The following AMER1 variants were observed in gnomAD, a reference collection of about 807,000 sequenced individuals.
The protein encoded by AMER1 is RP11-403E24.2.
Under a neutral mutation model 53.0 loss-of-function variants are expected in AMER1, and 16 were observed. That is an observed-to-expected ratio of 0.30 (90% CI 0.20 to 0.46). AMER1 has a LOEUF of 0.46. Among genes scored for constraint, AMER1 ranks in the 20% least tolerant of loss-of-function variants. The probability of loss-of-function intolerance (pLI) is 1.00; values close to 1 mark genes in which losing one functional copy is unlikely to be tolerated. For synonymous variants in AMER1, 354 were observed against 331.9 expected, an observed-to-expected ratio of 1.07 and a Z score of -0.73; for missense variants, 947 against 884.9, an observed-to-expected ratio of 1.07 and a Z score of -0.89.
At chrX:64,193,825 A>G (rs1276600689) in intron 1 of AMER1, among the ~76,000 whole-genome samples, 1 of 112,409 alleles carries the variant, frequency 8.9e-6, no homozygotes, top group Non-Finnish European at 1.9e-5. Context: ...CTGGCAAAAC[A>G]GTCCATTGAG....
chrX:64,186,600 A>G lies in AMER1; in HGVS notation c.*3279T>C. 1 of 775,427 alleles carries G rather than the reference A, an allele frequency of 1.3e-6. No individual in the cohort carries two copies. The highest frequency in any genetic ancestry group is 1.5e-6 in the Non-Finnish European group (1 of 651,862). 63.9% of individuals were successfully genotyped at this position (775,427 alleles called of 1,213,427 possible). A position where few individuals can be genotyped will look rare whatever the true frequency, so the allele number is the denominator to read the frequency against. ...AGGAAAGCTGCTGGCAGCAGGATGAAGGGTACACACCCAGCCTCCTGAGTG... is the reference window on the plus strand; with the variant it reads ...AGGAAAGCTGCTGGCAGCAGGATGAGGGGTACACACCCAGCCTCCTGAGTG... On this transcript the variant is annotated 3_prime_UTR_variant, in exon 2 of 2. Coordinates refer to ENST00000374869, the MANE Select transcript of AMER1 (RefSeq NM_152424.4).
At chrX:64,198,109 A>G (rs1930413666) in intron 1 of AMER1, among the ~76,000 whole-genome samples, 1 of 111,645 alleles carries the variant, frequency 9.0e-6, no homozygotes, top group African/African-American at 3.3e-5. Flanking sequence ...AATGAAGATA[A>G]CTGTGTGGTC....
rs1190709308 is a variant in AMER1, at chrX:64,193,153, G to A, written c.134C>T (p.Ser45Phe). ...EATEGPTSEP[S>F]SSGPGRLKKT... Reference sequence around the variant, plus strand: ...CTTCAGCCTACCTGGGCCGGATGAGGATGGCTCTGAGGTTGGTCCTTCTGT... The same window carrying A: ...CTTCAGCCTACCTGGGCCGGATGAGAATGGCTCTGAGGTTGGTCCTTCTGT... The change falls in exon 2 of 2, where the codon TCC (serine) becomes TTC (phenylalanine). Residue 45 changes from serine (S) to phenylalanine (F), a missense_variant. Transcript: ENST00000374869. 1.7e-6 allele frequency: 2 copies of A among 1,212,020 alleles called. No homozygotes were observed. Among genetic ancestry groups the A allele is most frequent in the South Asian group, 1.8e-5 (1 of 56,951 alleles).
chrX:64,195,431 C>G lies in AMER1; in HGVS notation c.-98-2047G>C, dbSNP rs1350139927. On this transcript the variant is annotated intron_variant, in intron 1 of 1. Coordinates refer to ENST00000374869, the MANE Select transcript of AMER1 (RefSeq NM_152424.4). ...AAGGGAGAACTCCCAGCCTTTGCTTCTAAGGAGCTCCTAGGCTAACAGGGA... is the reference window on the plus strand; with the variant it reads ...AAGGGAGAACTCCCAGCCTTTGCTTGTAAGGAGCTCCTAGGCTAACAGGGA... 2.7e-5 allele frequency among the ~76,000 whole-genome samples: 3 copies of G among 112,122 alleles called. No homozygotes were observed. In the Admixed American group the frequency reaches 2.8e-4, roughly 11 times the overall value.
In AMER1 at chrX:64,190,593, A is replaced by T; in HGVS notation, c.2694T>A (p.Thr898=). 2 of 1,211,946 alleles carry T rather than the reference A, an allele frequency of 1.7e-6. No homozygotes were observed. Among genetic ancestry groups the T allele is most frequent in the Non-Finnish European group, 2.2e-6 (2 of 895,521 alleles). ...ALNRRSRSLD[T]AETLEMELSN... is the part of the protein sequence containing the mutation. ...AGAGCTCCATCTCCAGGGTCTCTGC[A>T]GTGTCGAGAGAGCGGCTTCTCCTGT... Residue 898 remains threonine, a synonymous_variant, in exon 2 of 2, where the codon ACT becomes ACA. Coordinates refer to ENST00000374869, the MANE Select transcript of AMER1 (RefSeq NM_152424.4).
rs1332742060 is a variant in AMER1 at position 64,191,515 on chromosome X, C to G, written c.1772G>C (p.Arg591Thr). The part of the protein sequence containing the change: ...QEARAREAHA[R>T]EAHAREAYTR... ...ATAGGCCTCCCTGGCGTGGGCCTCC[C>G]TGGCATGAGCTTCTCGGGCACGTGC... Residue 591 changes from arginine (R) to threonine (T), a missense_variant, in exon 2 of 2, where the codon AGG becomes ACG. Coordinates refer to ENST00000374869, the MANE Select transcript of AMER1 (RefSeq NM_152424.4). The G allele has an allele frequency of 4.9e-6, 6 of 1,212,297 alleles. No individual in the cohort carries two copies. The highest frequency in any genetic ancestry group is 6.7e-6 in the Non-Finnish European group (6 of 895,634).
intron 1 of AMER1, among the ~76,000 whole-genome samples, chrX:64,197,791 C>G (rs928619966): frequency 8.9e-6 from 1 of 112,410 alleles, no homozygotes; most frequent in Non-Finnish European, 1.9e-5. Flanking sequence ...GGAAATCCAG[C>G]AAGTTTTTTC....
In AMER1 at chrX:64,191,610, T is replaced by C. The variant is rs2147087695; in HGVS notation, c.1677A>G (p.Glu559=). 1 of 1,212,341 alleles carries C rather than the reference T, an allele frequency of 8.2e-7. No homozygotes were observed. The highest frequency in any genetic ancestry group is 3.0e-5 in the East Asian group (1 of 33,839). ...ACTGTTTCTGGATGGTCACTAGCCG[T>C]TCTTCCTCTGTCTCCATTGCCCCAG... ...RPPGAMETEE[E]RLVTIQKQLL... is the part of the protein sequence containing the mutation. The change falls in exon 2 of 2, where the codon GAA becomes GAG. Residue 559 remains glutamate, a synonymous_variant. Coordinates refer to ENST00000374869, the MANE Select transcript of AMER1 (RefSeq NM_152424.4).
Position 64,187,558 on chromosome X carries a change from A to T in AMER1, c.*2321T>A. On this transcript the variant is annotated 3_prime_UTR_variant, in exon 2 of 2. Coordinates refer to ENST00000374869, the MANE Select transcript of AMER1 (RefSeq NM_152424.4). ...GGCCACCTCCTTTTTCTCTTCCCAG[A>T]TAGGCTGGTGGCCCTTCTCCAGCAG... 1 of 778,567 alleles carries T rather than the reference A, an allele frequency of 1.3e-6. No individual in the cohort carries two copies. Among genetic ancestry groups the T allele is most frequent in the Non-Finnish European group, 1.5e-6 (1 of 653,343 alleles). 64.2% of individuals were successfully genotyped at this position (778,567 alleles called of 1,213,427 possible). A position where few individuals can be genotyped will look rare whatever the true frequency, so the allele number is the denominator to read the frequency against.
Position 64,186,774 on chromosome X carries a change from T to C in AMER1, c.*3105A>G. ...CTTGAACTGGGCCCCAAGGCAGTGC[T>C]TCCTTGGAGACTCTAAAGCACCAAG... On this transcript the variant is annotated 3_prime_UTR_variant, in exon 2 of 2. Coordinates refer to ENST00000374869, the MANE Select transcript of AMER1 (RefSeq NM_152424.4). 1.3e-6 allele frequency: 1 copy of C among 774,665 alleles called. No homozygotes were observed. The allele number at this position is 774,665 out of a possible 1,213,427, so 63.8% of individuals were successfully genotyped here. A position where few individuals can be genotyped will look rare whatever the true frequency, so the allele number is the denominator to read the frequency against.
rs747727608 is a variant in AMER1 at position 64,186,130 on chromosome X, C to G, written c.*3749G>C. 158 of 1,207,750 alleles carry G rather than the reference C, an allele frequency of 1.3e-4. No individual in the cohort carries two copies. Among genetic ancestry groups the G allele is most frequent in the Non-Finnish European group, 1.7e-4 (155 of 893,722 alleles). ...ATGACAAGCTGTCTACCAGGTCCCA[C>G]ACGCCTGAGTCACTTGGCGTTTGTC... On this transcript the variant is annotated 3_prime_UTR_variant, in exon 2 of 2. Coordinates refer to ENST00000374869, the MANE Select transcript of AMER1 (RefSeq NM_152424.4).
chrX:64,187,078 T>C lies in AMER1; in HGVS notation c.*2801A>G. 1 of 783,150 alleles carries C rather than the reference T, an allele frequency of 1.3e-6. No homozygotes were observed. The highest frequency in any genetic ancestry group is 1.5e-6 in the Non-Finnish European group (1 of 656,580). 64.5% of individuals were successfully genotyped at this position (783,150 alleles called of 1,213,427 possible). A position where few individuals can be genotyped will look rare whatever the true frequency, so the allele number is the denominator to read the frequency against. ...GACATGATATCAACAGTTTTAGTGG[T>C]CTGGGGTGTATTTGCTGCCACCCAA... On this transcript the variant is annotated 3_prime_UTR_variant, in exon 2 of 2. Transcript: ENST00000374869.
At chrX:64,200,208 C>G (rs1930457058) in intron 1 of AMER1, among the ~76,000 whole-genome samples, 1 of 112,621 alleles carries the variant, frequency 8.9e-6, no homozygotes, top group Non-Finnish European at 1.9e-5. Flanking sequence ...ACTAGCCCAG[C>G]TAGAGCGAGA....
chrX:64,198,391 G>A (rs938005623), intron 1 of AMER1, among the ~76,000 whole-genome samples: 1 of 111,562 alleles, frequency 9.0e-6, no homozygotes, highest in Non-Finnish European at 1.9e-5. Flanking sequence ...ACTCAGGCCT[G>A]GTGGGGGATG....
At chrX:64,203,185 C>T (rs185546923) in intron 1 of AMER1, among the ~76,000 whole-genome samples, 9 of 112,189 alleles carry the variant, frequency 8.0e-5, no homozygotes, top group Non-Finnish European at 1.5e-4. Context: ...GGGATCTGAG[C>T]ATTCCAAATC....
Position 64,189,792 on chromosome X carries a change from A to AAGGGGGGGCCCCCCCCCCCCCCCCCCCC in AMER1, c.*86_*87insGGGGGGGGGGGGGGGGGGGGCCCCCCCT. ...CCAAAGGGTTTTCAAGTTAAACAAC[A>AAGGGGGGGCCCCCCCCCCCCCCCCCCCC]ACCCCCACCCCCCCACCCTTCTGCC... On this transcript the variant is annotated 3_prime_UTR_variant, in exon 2 of 2. Transcript: ENST00000374869. The AAGGGGGGGCCCCCCCCCCCCCCCCCCCC allele has an allele frequency of 1.3e-6, 1 of 746,979 alleles. No individual in the cohort carries two copies. Among genetic ancestry groups the AAGGGGGGGCCCCCCCCCCCCCCCCCCCC allele is most frequent in the East Asian group, 8.5e-5 (1 of 11,770 alleles). The allele number at this position is 746,979 out of a possible 1,213,427, so 61.6% of individuals were successfully genotyped here.
Position 64,192,114 on chromosome X carries a change from C to T in AMER1, c.1173G>A (p.Glu391=), listed in dbSNP as rs754098798. The change falls in exon 2 of 2, where the codon GAG becomes GAA. Residue 391 remains glutamate, a synonymous_variant. Coordinates refer to ENST00000374869, the MANE Select transcript of AMER1 (RefSeq NM_152424.4). ...EEEEEEEVEL[E]EEEEEVKEEE... ...CCTCCTTAACCTCCTCTTCTTCCTC[C>T]TCTAATTCCACCTCTTCTTCCTCTT... The T allele has an allele frequency of 1.2e-5, 15 of 1,210,687 alleles. No homozygotes were observed. The highest frequency in any genetic ancestry group is 2.3e-4 in the Middle Eastern group (1 of 4,349).
At chrX:64,194,262 TCTC>T (rs1487433014) in intron 1 of AMER1, among the ~76,000 whole-genome samples, 1 of 111,234 alleles carries the variant, frequency 9.0e-6, no homozygotes, top group Admixed American at 9.5e-5. Flanking sequence ...TCTCCTCTAC[TCTC>T]CTCCTCTTAT....
intron 1 of AMER1, among the ~76,000 whole-genome samples, chrX:64,194,637 GAGGGGA>G (rs1043863909): frequency 3.0e-4 from 33 of 111,522 alleles, no homozygotes; most frequent in African/African-American, 1.0e-3. Context: ...GGAGAGGGGA[GAGGGGA>G]AGGGGAAGGG....
Sources: allele counts gnomAD v4.1 joint callset (sites outside exome capture counted in the v4.1 genomes callset), GRCh38; gene constraint gnomAD v4.1.1; transcripts MANE v1.5; gene names NCBI Gene and HGNC (gene_info 2026-07-23, HGNC 2026-07-21).